TTBK2: variants seen among roughly 807,000 people sequenced by gnomAD.
The protein encoded by TTBK2 is tau-tubulin kinase 2.
Under a neutral mutation model 110.8 loss-of-function variants are expected in TTBK2, and 28 were observed. The ratio of observed to expected loss-of-function variants is 0.25; its 90% CI spans 0.19 to 0.35. The LOEUF (loss-of-function observed/expected upper bound fraction) is 0.35. Ranked by LOEUF, TTBK2 falls within the 10% of genes least tolerant of loss-of-function variation. TTBK2 has a pLI of 1.00. For missense variants in TTBK2, 1,369 were observed against 1,500.3 expected (o/e 0.91, Z 1.45); for synonymous variants, 532 against 527.3 (o/e 1.01, Z -0.12).
rs71431870 is a variant in TTBK2, at chr15:42,816,085, AATATATAT to A, written c.603+939_603+946del. ...ATATATATATAAAAATAAATAAATA[AATATATAT>A]ATATATATATATATATATATATATA... On this transcript the variant is annotated intron_variant, in intron 7 of 14. Coordinates refer to ENST00000267890, the MANE Select transcript of TTBK2 (RefSeq NM_173500.4). Among the ~76,000 whole-genome samples, 49 of 67,448 alleles carry A rather than the reference AATATATAT, an allele frequency of 7.3e-4. 2 individuals carry two copies. Among genetic ancestry groups the A allele is most frequent in the Middle Eastern group, 0.017 (2 of 116 alleles). The allele number at this position is 67,448 out of a possible 152,430, so 44.2% of individuals were successfully genotyped here. A position where few individuals can be genotyped will look rare whatever the true frequency, so the allele number is the denominator to read the frequency against.
chr15:42,742,525 C>G lies in TTBK2; in HGVS notation c.*3270G>C, dbSNP rs2061757489. ...TTTACTATTTCAACCAATCCATAGA[C>G]CCTGAGGATTTGGCAGCAGAATTCA... On this transcript the variant is annotated 3_prime_UTR_variant, in exon 15 of 15. Transcript: ENST00000267890. The G allele has an allele frequency of 6.6e-6, 1 of 152,178 alleles. No homozygotes were observed. Among genetic ancestry groups the G allele is most frequent in the Non-Finnish European group, 1.5e-5 (1 of 68,036 alleles). The allele number at this position is 152,178 out of a possible 1,614,324, so 9.4% of individuals were successfully genotyped here. A position where few individuals can be genotyped will look rare whatever the true frequency, so the allele number is the denominator to read the frequency against.
rs769283772 is a variant in TTBK2, at chr15:42,745,051, C to T, written c.*744G>A. ...CTAGTTAGACTTTTCTTTCCTTTAC[C>T]TAACTTTCTTATTTTTCATAATAAA... On this transcript the variant is annotated 3_prime_UTR_variant, in exon 15 of 15. Transcript: ENST00000267890. The T allele has an allele frequency of 3.8e-4, 58 of 153,934 alleles. 1 individual carries two copies. The highest frequency in any genetic ancestry group is 1.0e-3 in the Middle Eastern group (2 of 1,938). The allele number at this position is 153,934 out of a possible 1,614,324, so 9.5% of individuals were successfully genotyped here.
intron 9 of TTBK2, chr15:42,801,299 A>T: frequency 6.2e-7 from 1 of 1,605,182 alleles, no homozygotes; most frequent in South Asian, 1.1e-5. Context: ...CCTGGTACTC[A>T]CGCAGCTGCC....
At chr15:42,834,108 C>T (rs1446768178) in intron 4 of TTBK2, among the ~76,000 whole-genome samples, 1 of 147,048 alleles carries the variant, frequency 6.8e-6, no homozygotes, top group Non-Finnish European at 1.5e-5. Flanking sequence ...AAGAGGATCA[C>T]TTGACCCCAG....
At chr15:42,782,905 G>T (rs1890239985) in intron 11 of TTBK2, among the ~76,000 whole-genome samples, 1 of 152,072 alleles carries the variant, frequency 6.6e-6, no homozygotes, top group Non-Finnish European at 1.5e-5. Flanking sequence ...TATAAGAACA[G>T]TTTGTTCCTG....
At chr15:42,883,551 C>T (rs1239383990) in intron 1 of TTBK2, among the ~76,000 whole-genome samples, 2 of 151,248 alleles carry the variant, frequency 1.3e-5, no homozygotes, top group Non-Finnish European at 2.9e-5. Context: ...GTAGATATAT[C>T]GTAAGCCCTA....
intron 13 of TTBK2, among the ~76,000 whole-genome samples, chr15:42,767,877 A>C (rs1167963029): frequency 6.6e-6 from 1 of 152,220 alleles, no homozygotes; most frequent in Non-Finnish European, 1.5e-5. Context: ...AATACCGGCA[A>C]ACCGAATCCA....
Position 42,775,564 on chromosome 15 carries a change from G to A in TTBK2, c.1569C>T (p.Thr523=). 1 of 1,614,172 alleles carries A rather than the reference G, an allele frequency of 6.2e-7. No homozygotes were observed. Among genetic ancestry groups the A allele is most frequent in the Non-Finnish European group, 8.5e-7 (1 of 1,180,042 alleles). The change falls in exon 13 of 15, where the codon ACC becomes ACT. Residue 523 remains threonine (T), a synonymous_variant. Transcript: ENST00000267890. The part of the protein sequence containing the change: ...PDASKPASAN[T]PEQADGGGSN... ...TGCCACCACCATCTGCCTGCTCAGG[G>A]GTGTTGGCAGAAGCAGGCTTGGAGG...
chr15:42,752,698 C>T lies in TTBK2; in HGVS notation c.2548G>A (p.Gly850Arg). Residue 850 changes from glycine (G) to arginine (R), a missense_variant, in exon 14 of 15, where the codon GGA (glycine) becomes AGA (arginine). Gly to Arg is a moderately radical substitution (Grantham distance 125, BLOSUM62 -2). Around this residue, in one of 4 missense-constraint regions of TTBK2, gnomAD observed 1,097 missense variants for 1,114.7 expected, o/e 0.98. Transcript: ENST00000267890. The stretch of plus-strand genomic sequence containing the variant: ...TCTCTGGAAGAAATTTCTGAAGTTC[C>T]AACTGTCAGAAGCTTCATTATCTCA... ...NNEIMKLLTV[G>R]TSEISSRDID... The T allele has an allele frequency of 2.5e-6, 4 of 1,614,064 alleles. No homozygotes were observed. Among genetic ancestry groups the T allele is most frequent in the Non-Finnish European group, 3.4e-6 (4 of 1,180,030 alleles).
chr15:42,794,051 C>CT (rs766926992), intron 10 of TTBK2, among the ~76,000 whole-genome samples: 205 of 135,248 alleles, frequency 1.5e-3, no homozygotes, highest in Middle Eastern at 7.5e-3. Flanking sequence ...GGGTATTTAC[C>CT]TTTTTTTTTT....
chr15:42,888,897 CCTT>C (rs1263643629), intron 1 of TTBK2, among the ~76,000 whole-genome samples: 1 of 152,158 alleles, frequency 6.6e-6, no homozygotes, highest in Non-Finnish European at 1.5e-5. Flanking sequence ...CAGTTTTTCT[CCTT>C]CTCATTGGTC....
intron 1 of TTBK2, among the ~76,000 whole-genome samples, chr15:42,896,522 C>T (rs565578533): frequency 2.6e-5 from 4 of 152,254 alleles, no homozygotes; most frequent in African/African-American, 9.6e-5. Flanking sequence ...CATGGTGGCT[C>T]ACACCTGTAA....
intron 1 of TTBK2, among the ~76,000 whole-genome samples, chr15:42,902,139 C>G (rs1354135490): frequency 6.6e-6 from 1 of 151,532 alleles, no homozygotes; most frequent in Non-Finnish European, 1.5e-5. Flanking sequence ...CTGCCTGAAC[C>G]CAGGAGGGAG....
intron 1 of TTBK2, among the ~76,000 whole-genome samples, chr15:42,912,635 C>T (rs992142769): frequency 1.3e-5 from 2 of 151,656 alleles, no homozygotes; most frequent in Middle Eastern, 3.2e-3. Flanking sequence ...TGCTTGAACC[C>T]GGGAGGCGGA....
intron 3 of TTBK2, among the ~76,000 whole-genome samples, chr15:42,856,971 G>T (rs1893969555): frequency 2.0e-5 from 3 of 151,628 alleles, no homozygotes; most frequent in Non-Finnish European, 4.4e-5. Flanking sequence ...TGAGGAAGGA[G>T]AATCTCTTGA....
At chr15:42,859,050 A>G (rs1036961042) in intron 3 of TTBK2, among the ~76,000 whole-genome samples, 3 of 152,120 alleles carry the variant, frequency 2.0e-5, no homozygotes, top group African/African-American at 7.2e-5. Flanking sequence ...TAAGTTAACT[A>G]CACCTAACCT....
rs1894680250 is a variant in TTBK2 at position 42,873,204 on chromosome 15, G to A, written c.70-446C>T. Among the ~76,000 whole-genome samples, 2 of 152,152 alleles carry A rather than the reference G, an allele frequency of 1.3e-5. 1 individual carries two copies. The highest frequency in any genetic ancestry group is 4.1e-4 in the South Asian group (2 of 4,826). On this transcript the variant is annotated intron_variant, in intron 2 of 14. Coordinates refer to ENST00000267890, the MANE Select transcript of TTBK2 (RefSeq NM_173500.4). ...CCTAGCACTTTGGGAGGCCAAGGCGGGCGGCTCACTTGAAGTCAGGAGTTC... is the reference window on the plus strand; with the variant it reads ...CCTAGCACTTTGGGAGGCCAAGGCGAGCGGCTCACTTGAAGTCAGGAGTTC...
In TTBK2 at chr15:42,919,894, G is replaced by A. The variant is rs1005028572; in HGVS notation, c.-68+544C>T. 4.9e-6 allele frequency: 4 copies of A among 815,904 alleles called. No individual in the cohort carries two copies. The South Asian group carries it at 1.7e-4, about 34-fold the overall frequency. The allele number at this position is 815,904 out of a possible 1,614,324, so 50.5% of individuals were successfully genotyped here. A position where few individuals can be genotyped will look rare whatever the true frequency, so the allele number is the denominator to read the frequency against. ...TTTTGTCCCTCCCACAGCATCCCAG[G>A]GTGTCAACATCATCTCTGCCACAGC... On this transcript the variant is annotated intron_variant, in intron 1 of 14. Coordinates refer to ENST00000267890, the MANE Select transcript of TTBK2 (RefSeq NM_173500.4).
intron 14 of TTBK2, among the ~76,000 whole-genome samples, chr15:42,746,856 G>T (rs944875239): frequency 6.6e-6 from 1 of 152,028 alleles, no homozygotes; most frequent in South Asian, 2.1e-4. Context: ...GTAGTCATTG[G>T]TTTCTGTGGA....
Sources: allele counts gnomAD v4.1 joint callset (sites outside exome capture counted in the v4.1 genomes callset), GRCh38; gene constraint gnomAD v4.1.1; regional missense constraint gnomAD v4.1.1; transcripts MANE v1.5; gene names NCBI Gene and HGNC (gene_info 2026-07-23, HGNC 2026-07-21).